The following GSE1 variants were observed in gnomAD, a reference collection of about 807,000 sequenced individuals.
GSE1 encodes the protein genetic suppressor element 1.
Under a neutral mutation model 112.6 loss-of-function variants are expected in GSE1, and 32 were observed. The observed-to-expected ratio is 0.28, with a 90% CI of 0.21 to 0.38. The LOEUF is 0.38. GSE1 is among the 10% of genes least tolerant of loss of function. The pLI is 1.00. For missense variants in GSE1, 2,348 were observed against 1,699.2 expected (o/e 1.38, Z -6.71); for synonymous variants, 1,115 against 735.6 (o/e 1.52, Z -8.35).
chr16:85,216,794 G>T (rs934157381), intron 1 of GSE1, among the ~76,000 whole-genome samples: 3 of 152,190 alleles, frequency 2.0e-5, no homozygotes, highest in African/African-American at 4.8e-5. Flanking sequence ...CTGTTTCTGG[G>T]GCTGTCCCTG....
chr16:85,663,711 C>T (rs72803003), intron 11 of GSE1, 97 bp downstream of exon 11: 25,929 of 1,245,090 alleles, frequency 0.021, 306 homozygotes, highest in Middle Eastern at 0.026. Context: ...GCAGGATCTG[C>T]GATCACTGAG....
In GSE1 at chr16:85,666,335, C is replaced by G; in HGVS notation, c.3118C>G (p.Gln1040Glu). ...GCTGCAGTCCACCCAGAAGGCCCTG[C>G]AGAAGCATAAAGGTAATGAGGCTGC... The part of the protein sequence containing the change: ...SVLQSTQKAL[Q>E]KHKGSVAVLS... The change falls in exon 13 of 16, where the codon CAG (glutamine) becomes GAG (glutamate). Residue 1040 changes from glutamine (Q) to glutamate (E), a missense_variant. Coordinates refer to ENST00000253458, the MANE Select transcript of GSE1 (RefSeq NM_014615.5). The G allele has an allele frequency of 6.2e-7, 1 of 1,613,704 alleles. No individual in the cohort carries two copies. Among genetic ancestry groups the G allele is most frequent in the South Asian group, 1.1e-5 (1 of 91,082 alleles).
intron 1 of GSE1, among the ~76,000 whole-genome samples, chr16:85,173,086 T>C (rs75756547): frequency 8.5e-4 from 130 of 152,324 alleles, no homozygotes; most frequent in Admixed American, 1.4e-3. Context: ...CTCTTCGGCA[T>C]ATAGCAGTGC....
chr16:85,548,762 A>G (rs1178756028), intron 2 of GSE1, among the ~76,000 whole-genome samples: 1 of 152,116 alleles, frequency 6.6e-6, no homozygotes, highest in Non-Finnish European at 1.5e-5. Context: ...GTTTAGGCCC[A>G]CCCTAATCAT....
chr16:85,179,947 C>G (rs2074547713), intron 1 of GSE1, among the ~76,000 whole-genome samples: 1 of 152,206 alleles, frequency 6.6e-6, no homozygotes, highest in Admixed American at 6.5e-5. Flanking sequence ...AGATGATAGA[C>G]TATTAGCTGA....
At chr16:85,394,337 C>T (rs778212069) in intron 2 of GSE1, among the ~76,000 whole-genome samples, 2 of 152,292 alleles carry the variant, frequency 1.3e-5, no homozygotes, top group South Asian at 2.1e-4. Context: ...GGTGCTGGTG[C>T]GGCCCCGCTG....
At chr16:85,188,089 A>C (rs996623078) in intron 1 of GSE1, among the ~76,000 whole-genome samples, 6 of 152,106 alleles carry the variant, frequency 3.9e-5, no homozygotes, top group African/African-American at 1.4e-4. Context: ...CTGTCATCCA[A>C]GGGGAGGCAG....
chr16:85,435,224 C>T (rs556903726), intron 2 of GSE1, among the ~76,000 whole-genome samples: 1 of 152,322 alleles, frequency 6.6e-6, no homozygotes, highest in African/African-American at 2.4e-5. Flanking sequence ...CAGGAGGTGC[C>T]CTTTATGGAG....
At chr16:85,353,437 G>A (rs80213043) in intron 1 of GSE1, among the ~76,000 whole-genome samples, 2,510 of 116,882 alleles carry the variant, frequency 0.021, 70 homozygotes, top group African/African-American at 0.077. Context: ...GCTGTTTTGC[G>A]AAGCAACTGC....
At chr16:85,425,076 A>ACCCAGGACT (rs2048939339) in intron 2 of GSE1, among the ~76,000 whole-genome samples, 1 of 152,138 alleles carries the variant, frequency 6.6e-6, no homozygotes, top group African/African-American at 2.4e-5. Flanking sequence ...CGGGCCACTC[A>ACCCAGGACT]CCCAGGACTC....
At chr16:85,647,942 G>A (rs938602452) in intron 2 of GSE1, among the ~76,000 whole-genome samples, 1 of 152,086 alleles carries the variant, frequency 6.6e-6, no homozygotes, top group African/African-American at 2.4e-5. Context: ...TGTCTGCCCT[G>A]CTTGATGGGA....
In GSE1 at chr16:85,344,344, G is replaced by A. The variant is rs150719259; in HGVS notation, c.2284-13119G>A. Among the ~76,000 whole-genome samples, 649 of 152,286 alleles carry A rather than the reference G, an allele frequency of 4.3e-3. 6 individuals are homozygous for A. Among genetic ancestry groups the A allele is most frequent in the African/African-American group, 0.014 (597 of 41,578 alleles). ...GGCAAGGTTTGTGAGCAGCCCGCGC[G>A]TTGCTTTTGCCCGGAACCCTGGGCC... On this transcript the variant is annotated intron_variant, in intron 1 of 2. Coordinates refer to the GSE1 transcript ENST00000637419.
chr16:85,435,323 G>A (rs2049221069), intron 2 of GSE1, among the ~76,000 whole-genome samples: 1 of 142,434 alleles, frequency 7.0e-6, no homozygotes, highest in African/African-American at 2.7e-5. Flanking sequence ...CTCCCCCACT[G>A]TGGTAGAAAT....
At chr16:85,188,687 G>T (rs1282242426) in intron 1 of GSE1, among the ~76,000 whole-genome samples, 1 of 151,986 alleles carries the variant, frequency 6.6e-6, no homozygotes, top group Non-Finnish European at 1.5e-5. Context: ...TATAGTTCCA[G>T]ATACGGGGGA....
intron 1 of GSE1, among the ~76,000 whole-genome samples, chr16:85,614,042 C>G (rs1277726565): frequency 6.6e-6 from 1 of 151,706 alleles, no homozygotes; most frequent in South Asian, 2.1e-4. Context: ...GGCCGCTTCT[C>G]TCCTCTCTCT....
rs11647456 is a variant in GSE1, at chr16:85,263,902, G to A, written c.2283+92095G>A. On this transcript the variant is annotated intron_variant, in intron 1 of 2. Transcript: ENST00000637419. The stretch of plus-strand genomic sequence containing the variant: ...TTTCTATTTTGTATTCGTCATTCCA[G>A]GTCTCCTCTGCCGTCCTGGCCTCAC... Among the ~76,000 whole-genome samples the A allele has an allele frequency of 4.7e-3, 715 of 152,242 alleles. 3 individuals carry two copies. Among genetic ancestry groups the A allele is most frequent in the Non-Finnish European group, 8.5e-3 (576 of 68,012 alleles).
At chr16:85,234,911 C>G (rs544856262) in intron 1 of GSE1, among the ~76,000 whole-genome samples, 1 of 152,156 alleles carries the variant, frequency 6.6e-6, no homozygotes, top group Admixed American at 6.5e-5. Flanking sequence ...CTGCCGGCGC[C>G]TTTATCTACT....
intron 2 of GSE1, among the ~76,000 whole-genome samples, chr16:85,397,543 C>A (rs892447285): frequency 2.9e-4 from 44 of 152,258 alleles, no homozygotes; most frequent in African/African-American, 1.1e-3. Context: ...CCGCCGCTGC[C>A]TCCAGCTTCT....
intron 1 of GSE1, among the ~76,000 whole-genome samples, chr16:85,277,693 G>C (rs1316181659): frequency 6.6e-6 from 1 of 152,194 alleles, no homozygotes; most frequent in Non-Finnish European, 1.5e-5. Flanking sequence ...GGTCTGCTGG[G>C]GACTCCTCAC....
Sources: gnomAD v4.1 joint callset for allele counts (sites outside exome capture counted in the v4.1 genomes callset) on GRCh38, gnomAD v4.1.1 for gene constraint, MANE v1.5 for transcripts, NCBI Gene and HGNC (gene_info 2026-07-23, HGNC 2026-07-21) for gene names.